The following NTM variants were observed in gnomAD, a reference collection of about 807,000 sequenced individuals.
NTM encodes the protein IgLON family member 2.
Under a neutral mutation model 42.1 loss-of-function variants are expected in NTM, and 13 were observed. That is an observed-to-expected ratio of 0.31 (90% CI 0.20 to 0.49). NTM has a LOEUF of 0.49. Among genes scored for constraint, NTM ranks in the 20% least tolerant of loss-of-function variants. The pLI is 0.99. For missense variants in NTM, 373 were observed against 452.8 expected (o/e 0.82, Z 1.60); for synonymous variants, 187 against 179.2 (o/e 1.04, Z -0.35).
At chr11:131,679,576 C>T (rs1256631315) in intron 1 of NTM, among the ~76,000 whole-genome samples, 2 of 151,840 alleles carry the variant, frequency 1.3e-5, no homozygotes, top group South Asian at 4.2e-4. Flanking sequence ...AGGAGCTGAT[C>T]GCTGTGCCTC....
intron 2 of NTM, among the ~76,000 whole-genome samples, chr11:132,141,444 T>G (rs2069133501): frequency 6.6e-6 from 1 of 152,206 alleles, no homozygotes; most frequent in African/African-American, 2.4e-5. Flanking sequence ...AAACAACTAT[T>G]CATCAGAGAG....
At chr11:131,784,520 A>C (rs1394030046) in intron 1 of NTM, among the ~76,000 whole-genome samples, 1 of 152,226 alleles carries the variant, frequency 6.6e-6, no homozygotes, top group Non-Finnish European at 1.5e-5. Flanking sequence ...ATATGATTGC[A>C]ATCATGTAAA....
At chr11:131,483,425 CAT>C (rs1953825907) in intron 1 of NTM, among the ~76,000 whole-genome samples, 1 of 152,168 alleles carries the variant, frequency 6.6e-6, no homozygotes. Flanking sequence ...GGCCTAGTGC[CAT>C]AGAGCGACTT....
At chr11:132,166,106 A>G (rs572479317) in intron 3 of NTM, among the ~76,000 whole-genome samples, 2 of 152,156 alleles carry the variant, frequency 1.3e-5, no homozygotes, top group South Asian at 2.1e-4. Flanking sequence ...TGTAGTTTTG[A>G]CACAATCATG....
At chr11:132,326,358 A>G (rs1395904751) in intron 7 of NTM, among the ~76,000 whole-genome samples, 5 of 152,120 alleles carry the variant, frequency 3.3e-5, no homozygotes, top group African/African-American at 9.7e-5. Flanking sequence ...ACAAGAGAGT[A>G]TTTAACAGAA....
chr11:131,599,644 A>G (rs1006698563), intron 1 of NTM, among the ~76,000 whole-genome samples: 1 of 152,234 alleles, frequency 6.6e-6, no homozygotes, highest in African/African-American at 2.4e-5. Context: ...CATAATGGTG[A>G]GCAGGAGAGA....
intron 2 of NTM, among the ~76,000 whole-genome samples, chr11:132,063,614 T>A (rs1052499232): frequency 6.6e-6 from 1 of 152,204 alleles, no homozygotes; most frequent in South Asian, 2.1e-4. Flanking sequence ...GCCCTAATTG[T>A]GCAGTTATTT....
At chr11:131,959,970 G>T (rs942744311) in intron 2 of NTM, among the ~76,000 whole-genome samples, 3 of 152,210 alleles carry the variant, frequency 2.0e-5, no homozygotes, top group Non-Finnish European at 2.9e-5. Context: ...ATGTACTAGA[G>T]ATTGCACAGA....
At chr11:132,265,283 T>G (rs1172088613) in intron 4 of NTM, among the ~76,000 whole-genome samples, 1 of 152,186 alleles carries the variant, frequency 6.6e-6, no homozygotes, top group East Asian at 1.9e-4. Context: ...AAATAAAAAC[T>G]GGAACAGCTT....
At chr11:131,454,326 T>C (rs1405942156) in intron 1 of NTM, among the ~76,000 whole-genome samples, 1 of 152,242 alleles carries the variant, frequency 6.6e-6, no homozygotes, top group Non-Finnish European at 1.5e-5. Flanking sequence ...ATCCACTGTT[T>C]CACACACCCA....
chr11:132,114,776 C>G (rs1031532756), intron 2 of NTM, among the ~76,000 whole-genome samples: 15 of 152,172 alleles, frequency 9.9e-5, no homozygotes, highest in African/African-American at 3.4e-4. Flanking sequence ...CCAGGTCACA[C>G]AGTATCACGG....
chr11:131,623,901 G>A (rs1252080926), intron 1 of NTM, among the ~76,000 whole-genome samples: 1 of 152,238 alleles, frequency 6.6e-6, no homozygotes, highest in Non-Finnish European at 1.5e-5. Flanking sequence ...AGCTGGGCAG[G>A]AGGAAATGAA....
chr11:132,334,563 C>G (rs962239248), intron 8 of NTM, among the ~76,000 whole-genome samples: 1 of 152,202 alleles, frequency 6.6e-6, no homozygotes, highest in Non-Finnish European at 1.5e-5. Flanking sequence ...AAGCAGCAGG[C>G]AGACACATTG....
intron 1 of NTM, among the ~76,000 whole-genome samples, chr11:131,622,376 C>T (rs568367481): frequency 1.3e-4 from 20 of 152,294 alleles, no homozygotes; most frequent in African/African-American, 4.8e-4. Flanking sequence ...GGCCCCGGGC[C>T]ATGTCCATCC....
intron 2 of NTM, among the ~76,000 whole-genome samples, chr11:131,930,391 T>C (rs145834712): frequency 3.9e-3 from 595 of 152,302 alleles, no homozygotes; most frequent in Non-Finnish European, 6.6e-3. Flanking sequence ...TGGGCCCAAC[T>C]CATGCCCTGC....
At chr11:132,032,612 T>C (rs1055439033) in intron 2 of NTM, among the ~76,000 whole-genome samples, 3 of 152,216 alleles carry the variant, frequency 2.0e-5, no homozygotes, top group African/African-American at 7.2e-5. Flanking sequence ...GTAGGTGTCA[T>C]ACTCACCAAT....
chr11:131,414,499 C>G (rs1946744632), intron 1 of NTM, among the ~76,000 whole-genome samples: 1 of 152,198 alleles, frequency 6.6e-6, no homozygotes. Context: ...GGGACTGCCA[C>G]TTCCATCAGA....
At chr11:131,722,425 C>T (rs1031145891) in intron 1 of NTM, among the ~76,000 whole-genome samples, 9 of 152,154 alleles carry the variant, frequency 5.9e-5, no homozygotes, top group African/African-American at 1.9e-4. Context: ...GAACTCGTAA[C>T]CATAGAACCA....
At chr11:132,035,247 G>C (rs1490527207) in intron 2 of NTM, among the ~76,000 whole-genome samples, 1 of 152,130 alleles carries the variant, frequency 6.6e-6, no homozygotes, top group Non-Finnish European at 1.5e-5. Context: ...CATAGCTCTT[G>C]TTGTCTGTAC....
Sources: allele counts gnomAD v4.1 joint callset (sites outside exome capture counted in the v4.1 genomes callset), GRCh38; gene constraint gnomAD v4.1.1; transcripts MANE v1.5; gene names NCBI Gene and HGNC (gene_info 2026-07-23, HGNC 2026-07-21).